AIG1: variants seen among roughly 807,000 people sequenced by gnomAD.
AIG1 encodes androgen induced 1, also known as androgen-induced gene 1 protein.
Under a neutral mutation model 31.4 loss-of-function variants are expected in AIG1, and 23 were observed. The observed-to-expected ratio is 0.73, with a 90% confidence interval of 0.53 to 1.04. AIG1 has a LOEUF of 1.04. Among genes scored for constraint, AIG1 ranks in the 50% least tolerant of loss-of-function variants. The pLI is 0.00. For synonymous variants in AIG1, 100 were observed against 110.5 expected (o/e 0.90, Z 0.60); for missense variants, 274 against 295.0 (o/e 0.93, Z 0.52).
rs941070739 is a variant in AIG1 at position 143,330,030 on chromosome 6, A to G, written c.516-3252A>G. On this transcript the variant is annotated intron_variant, in intron 4 of 5. Transcript: ENST00000357847. This position sits in a 1 kb window ranked among gnomAD's most constrained non-coding sequence, Gnocchi z 4.4. ...TTTTTTTTGAGATTAAAAAAAATTCATAAGTTATTGGCGAAGTGCCTGCCA... is the reference window on the plus strand; with the variant it reads ...TTTTTTTTGAGATTAAAAAAAATTCGTAAGTTATTGGCGAAGTGCCTGCCA... 2.0e-5 allele frequency among the ~76,000 whole-genome samples: 3 copies of G among 152,212 alleles called. No individual in the cohort carries two copies. Among genetic ancestry groups the G allele is most frequent in the Non-Finnish European group, 4.4e-5 (3 of 68,032 alleles).
Position 143,331,305 on chromosome 6 carries a change from T to C in AIG1, c.516-1977T>C, listed in dbSNP as rs1373777857. Among the ~76,000 whole-genome samples the C allele has an allele frequency of 1.3e-5, 2 of 152,128 alleles. No homozygotes were observed. Among genetic ancestry groups the C allele is most frequent in the African/African-American group, 4.8e-5 (2 of 41,422 alleles). On this transcript the variant is annotated intron_variant, in intron 4 of 5. Transcript: ENST00000357847. The surrounding 1 kb of genome is among the most constrained non-coding windows in gnomAD (Gnocchi z 4.1). ...TCACCAGTATCTATACCCAAAATTT[T>C]CTCATCATCCCCCCACATAAACTCT...
Position 143,333,420 on chromosome 6 carries a change from C to T in AIG1, c.654C>T (p.Asn218=), listed in dbSNP as rs112208540. 1 of 1,613,334 alleles carries T rather than the reference C, an allele frequency of 6.2e-7. No individual in the cohort carries two copies. The highest frequency in any genetic ancestry group is 1.1e-5 in the South Asian group (1 of 90,888). The change falls in exon 5 of 6, where the codon AAC becomes AAT. Residue 218 remains asparagine (N), a synonymous_variant. Transcript: ENST00000357847. This position sits in a 1 kb window ranked among gnomAD's most constrained non-coding sequence, Gnocchi z 4.6. ...TGTACCTGCTGGGAGAAGTTCTGAA[C>T]AACTATATCTGGGATACACAGAAAA... is the stretch of plus-strand genomic sequence containing the variant. ...NFLYLLGEVL[N]NYIWDTQKSM... is the part of the protein sequence containing the mutation.
chr6:143,074,535 G>T (rs1177024426), intron 1 of AIG1, among the ~76,000 whole-genome samples: 1 of 152,114 alleles, frequency 6.6e-6, no homozygotes, highest in Non-Finnish European at 1.5e-5. Flanking sequence ...TGGTGGCTTT[G>T]TCAAAAATTA....
intron 3 of AIG1, among the ~76,000 whole-genome samples, chr6:143,199,760 C>G (rs1008338742): frequency 6.6e-6 from 1 of 152,164 alleles, no homozygotes; most frequent in African/African-American, 2.4e-5. Context: ...TAAGGCCCCT[C>G]TCAACAAGTT....
intron 4 of AIG1, among the ~76,000 whole-genome samples, chr6:143,287,128 A>G (rs777358466): frequency 5.5e-5 from 8 of 146,400 alleles, no homozygotes; most frequent in Non-Finnish European, 1.1e-4. Context: ...TCCATCATCA[A>G]CCCTCCCACA....
intron 1 of AIG1, among the ~76,000 whole-genome samples, chr6:143,116,616 G>T (rs191285787): frequency 3.3e-5 from 5 of 150,760 alleles, no homozygotes; most frequent in South Asian, 4.3e-4. Flanking sequence ...GGCCTATTTT[G>T]CCAAATCCCT....
intron 3 of AIG1, among the ~76,000 whole-genome samples, chr6:143,252,310 G>T (rs567226098): frequency 6.6e-6 from 1 of 152,068 alleles, no homozygotes; most frequent in South Asian, 2.1e-4. Flanking sequence ...TAGTAGATAT[G>T]GGGTTTCACC....
intron 3 of AIG1, among the ~76,000 whole-genome samples, chr6:143,254,599 C>T (rs940942253): frequency 1.3e-5 from 2 of 152,072 alleles, no homozygotes; most frequent in Non-Finnish European, 2.9e-5. Flanking sequence ...TCTGTTCCCC[C>T]CTACCCCCGC....
At chr6:143,078,643 G>A (rs189747084) in intron 1 of AIG1, among the ~76,000 whole-genome samples, 105 of 152,196 alleles carry the variant, frequency 6.9e-4, no homozygotes, top group African/African-American at 2.5e-3. Flanking sequence ...CAAGCAAAAG[G>A]GAAAACCCCT....
intron 3 of AIG1, chr6:143,190,737 T>C (rs1789717583): frequency 2.4e-6 from 1 of 419,504 alleles, no homozygotes. Flanking sequence ...CATTGCAAAC[T>C]CTCAAACATT....
At chr6:143,151,177 T>G (rs1398360294) in intron 2 of AIG1, among the ~76,000 whole-genome samples, 1 of 152,098 alleles carries the variant, frequency 6.6e-6, no homozygotes, top group African/African-American at 2.4e-5. Context: ...TCCACACCAA[T>G]TTCCACAATA....
In AIG1 at chr6:143,293,050, A is replaced by C. The variant is rs1214286082; in HGVS notation, c.515+8825A>C. Among the ~76,000 whole-genome samples the C allele has an allele frequency of 1.3e-5, 2 of 152,118 alleles. No homozygotes were observed. Among genetic ancestry groups the C allele is most frequent in the Non-Finnish European group, 2.9e-5 (2 of 68,020 alleles). On this transcript the variant is annotated intron_variant, in intron 4 of 5. Transcript: ENST00000357847. The surrounding 1 kb of genome is among the most constrained non-coding windows in gnomAD (Gnocchi z 4.8). ...TTAGCCTCATTGTTACCACCTTTAA[A>C]ATGGGAAAGAATGCCTGCCTCACAG...
chr6:143,270,110 C>T (rs143344091), intron 3 of AIG1, among the ~76,000 whole-genome samples: 119 of 152,330 alleles, frequency 7.8e-4, no homozygotes, highest in African/African-American at 2.6e-3. Flanking sequence ...CTGTCCAGTA[C>T]TGCAGACTCC....
chr6:143,275,899 TG>T (rs2128671760), intron 3 of AIG1, among the ~76,000 whole-genome samples: 1 of 152,326 alleles, frequency 6.6e-6, no homozygotes, highest in East Asian at 1.9e-4. Context: ...CACTTAAAAA[TG>T]GATGTTATAT....
chr6:143,115,552 A>G (rs1781660949), intron 1 of AIG1, among the ~76,000 whole-genome samples: 1 of 152,250 alleles, frequency 6.6e-6, no homozygotes, highest in African/African-American at 2.4e-5. Flanking sequence ...CCTGTTTCTT[A>G]TATTGACTGA....
At chr6:143,245,363 C>G (rs1037221891) in intron 3 of AIG1, among the ~76,000 whole-genome samples, 2 of 152,146 alleles carry the variant, frequency 1.3e-5, no homozygotes, top group African/African-American at 4.8e-5. Context: ...AACACAGCTT[C>G]CAGAGAAGAT....
chr6:143,177,477 C>T (rs914470891), intron 3 of AIG1, among the ~76,000 whole-genome samples: 3 of 152,162 alleles, frequency 2.0e-5, no homozygotes, highest in Non-Finnish European at 2.9e-5. Context: ...TATATGTATA[C>T]GTATCATAAA....
At chr6:143,246,415 C>G (rs1346389236) in intron 3 of AIG1, among the ~76,000 whole-genome samples, 2 of 152,148 alleles carry the variant, frequency 1.3e-5, no homozygotes, top group Non-Finnish European at 2.9e-5. Context: ...GAAACTCCCC[C>G]TTATAAACCC....
At chr6:143,175,287 G>T (rs945933663) in intron 3 of AIG1, among the ~76,000 whole-genome samples, 1 of 152,156 alleles carries the variant, frequency 6.6e-6, no homozygotes, top group Non-Finnish European at 1.5e-5. Context: ...TGCCTAGACT[G>T]TGATCTTTTT....
Sources: gnomAD v4.1 joint callset for allele counts (sites outside exome capture counted in the v4.1 genomes callset) on GRCh38, gnomAD v4.1.1 for gene constraint, Gnocchi (gnomAD v3.1) non-coding constraint, MANE v1.5 for transcripts, NCBI Gene and HGNC (gene_info 2026-07-23, HGNC 2026-07-21) for gene names.